FBXO33: variants seen among roughly 807,000 people sequenced by gnomAD.
FBXO33 encodes the protein F-box only protein 33.
Under a neutral mutation model 46.3 loss-of-function variants are expected in FBXO33, and 22 were observed. The ratio of observed to expected loss-of-function variants is 0.48; its 90% CI spans 0.34 to 0.68. FBXO33 has a LOEUF of 0.68. Among genes scored for constraint, FBXO33 ranks in the 30% least tolerant of loss-of-function variants. The pLI is 0.01. For missense variants in FBXO33, 692 were observed against 708.8 expected (o/e 0.98, Z 0.27); for synonymous variants, 337 against 291.3 (o/e 1.16, Z -1.60).
At chr14:39,424,575 T>C (rs1438789972) in intron 1 of FBXO33, among the ~76,000 whole-genome samples, 1 of 152,188 alleles carries the variant, frequency 6.6e-6, no homozygotes, top group Non-Finnish European at 1.5e-5. Context: ...AGTTACATTA[T>C]ACATTAGGAA....
In FBXO33 at chr14:39,431,601, G is replaced by T. The variant is rs1343235574; in HGVS notation, c.562C>A (p.Leu188Met). The T allele has an allele frequency of 6.2e-7, 1 of 1,613,248 alleles. No homozygotes were observed. The change falls in exon 1 of 4, where the codon CTG becomes ATG. Residue 188 changes from leucine to methionine, a missense_variant. Physicochemically the swap from Leu to Met is conservative, Grantham distance 15. This residue lies in a region of FBXO33 where 412 missense variants were observed against 370.8 expected (regional missense o/e 1.11). Transcript: ENST00000298097. ...ATGCTGACCAGCACGCAAAGCACCA[G>T]CTCCAAGTAGGTGCGCAGCACTTCC... is the stretch of plus-strand genomic sequence containing the variant. ...WLEVLRTYLE[L>M]VLCVLVSIRN... is the part of the protein sequence containing the mutation.
chr14:39,407,399 A>G (rs1055826712), intron 1 of FBXO33, among the ~76,000 whole-genome samples: 10 of 152,224 alleles, frequency 6.6e-5, no homozygotes, highest in African/African-American at 2.4e-4. Context: ...AGATCTCTAG[A>G]AATTTTTCAT....
intron 1 of FBXO33, among the ~76,000 whole-genome samples, chr14:39,425,947 T>C (rs550409406): frequency 5.8e-4 from 88 of 152,262 alleles, no homozygotes; most frequent in African/African-American, 1.8e-3. Context: ...CAGTACTCCG[T>C]ATTAGCTTTG....
rs920945535 is a variant in FBXO33, at chr14:39,431,604, C to G, written c.559G>C (p.Glu187Gln). Residue 187 changes from glutamate to glutamine, a missense_variant, in exon 1 of 4, where the codon GAG (glutamate) becomes CAG (glutamine). Around this residue, in one of 3 missense-constraint regions of FBXO33, gnomAD observed 412 missense variants for 370.8 expected, o/e 1.11. Coordinates refer to ENST00000298097, the MANE Select transcript of FBXO33 (RefSeq NM_203301.4). ...CTGACCAGCACGCAAAGCACCAGCT[C>G]CAAGTAGGTGCGCAGCACTTCCAGC... ...RWLEVLRTYL[E>Q]LVLCVLVSIR... The G allele has an allele frequency of 3.1e-6, 5 of 1,613,456 alleles. No individual in the cohort carries two copies. The highest frequency in any genetic ancestry group is 4.2e-6 in the Non-Finnish European group (5 of 1,180,022).
intron 1 of FBXO33, among the ~76,000 whole-genome samples, chr14:39,423,057 G>C (rs2075493100): frequency 6.6e-6 from 1 of 152,098 alleles, no homozygotes; most frequent in Non-Finnish European, 1.5e-5. Flanking sequence ...GGGAAGCGGA[G>C]GTTGCAGTGA....
intron 2 of FBXO33, 65 bp from the exon 3 acceptor site, chr14:39,401,926 T>A: frequency 7.5e-7 from 1 of 1,333,846 alleles, no homozygotes; most frequent in Non-Finnish European, 1.0e-6. Context: ...TAACACTGAC[T>A]TTTGAAAATA....
At chr14:39,424,708 T>C (rs543281048) in intron 1 of FBXO33, among the ~76,000 whole-genome samples, 3 of 152,322 alleles carry the variant, frequency 2.0e-5, no homozygotes, top group African/African-American at 7.2e-5. Flanking sequence ...AGAGTTAATA[T>C]AGCTAAGTCT....
At position 39,432,378 on chromosome 14, in the gene FBXO33, T is replaced by A. The variant is rs1420746289; in HGVS notation, c.-216A>T. 2 of 300,640 alleles carry A rather than the reference T, an allele frequency of 6.7e-6. No homozygotes were observed. The highest frequency in any genetic ancestry group is 1.2e-5 in the Non-Finnish European group (2 of 167,824). 18.6% of individuals were successfully genotyped at this position (300,640 alleles called of 1,614,324 possible). A position where few individuals can be genotyped will look rare whatever the true frequency, so the allele number is the denominator to read the frequency against. The stretch of plus-strand genomic sequence containing the variant: ...TCAGCGGCCCGGAAGCCTCAAGGCG[T>A]ACTGTAAGGAAAAGGCAGCCCTCCC... On this transcript the variant is annotated 5_prime_UTR_variant, in exon 1 of 4. Coordinates refer to ENST00000298097, the MANE Select transcript of FBXO33 (RefSeq NM_203301.4).
At chr14:39,406,821 A>C (rs770863788) in intron 1 of FBXO33, among the ~76,000 whole-genome samples, 6 of 152,220 alleles carry the variant, frequency 3.9e-5, no homozygotes, top group Non-Finnish European at 8.8e-5. Context: ...AACACGGCTC[A>C]CAACTAGGAG....
intron 1 of FBXO33, among the ~76,000 whole-genome samples, chr14:39,404,483 T>C (rs1197330704): frequency 6.6e-6 from 1 of 152,026 alleles, no homozygotes; most frequent in East Asian, 2.0e-4. Context: ...CCCGCCACCA[T>C]GCCCAGCTAA....
intron 1 of FBXO33, among the ~76,000 whole-genome samples, chr14:39,411,715 G>T (rs903686715): frequency 6.6e-6 from 1 of 151,948 alleles, no homozygotes; most frequent in Admixed American, 6.6e-5. Flanking sequence ...TAGAGACAGG[G>T]TTTCACAATG....
chr14:39,416,775 CAGTG>C (rs1234257773), intron 1 of FBXO33, among the ~76,000 whole-genome samples: 1 of 152,076 alleles, frequency 6.6e-6, no homozygotes, highest in Non-Finnish European at 1.5e-5. Flanking sequence ...TCATGTAACT[CAGTG>C]AGCTTCTTTA....
intron 1 of FBXO33, among the ~76,000 whole-genome samples, chr14:39,418,895 T>C (rs1191240058): frequency 6.6e-6 from 1 of 152,214 alleles, no homozygotes; most frequent in East Asian, 1.9e-4. Context: ...CTACCAATGT[T>C]AGAAATATGC....
intron 1 of FBXO33, among the ~76,000 whole-genome samples, chr14:39,422,036 T>C (rs1024640546): frequency 2.0e-5 from 3 of 152,086 alleles, no homozygotes; most frequent in Admixed American, 6.5e-5. Context: ...GGCAGGTGGA[T>C]TGCCTGAGCT....
chr14:39,421,032 G>A (rs148282617), intron 1 of FBXO33, among the ~76,000 whole-genome samples: 2 of 152,174 alleles, frequency 1.3e-5, no homozygotes, highest in Non-Finnish European at 2.9e-5. Flanking sequence ...ATGGCACTAT[G>A]AACAGGCATT....
chr14:39,430,002 TAC>T (rs1349700463), intron 1 of FBXO33, among the ~76,000 whole-genome samples: 2 of 152,336 alleles, frequency 1.3e-5, no homozygotes, highest in Non-Finnish European at 2.9e-5. Context: ...CAAAGGCACA[TAC>T]AGTGTTTGCA....
chr14:39,413,992 AC>A (rs1362873196), intron 1 of FBXO33, among the ~76,000 whole-genome samples: 2 of 152,148 alleles, frequency 1.3e-5, no homozygotes, highest in Non-Finnish European at 2.9e-5. Flanking sequence ...AGATGCATTA[AC>A]CTCTAACGAG....
Position 39,432,192 on chromosome 14 carries a change from T to C in FBXO33, c.-30A>G, listed in dbSNP as rs938047140. ...GACTAGGAAGAAGGGGGCGGAACCG[T>C]CGTGGGTCTCGGCGGAACCAAGTAG... On this transcript the variant is annotated 5_prime_UTR_variant, in exon 1 of 4. Coordinates refer to ENST00000298097, the MANE Select transcript of FBXO33 (RefSeq NM_203301.4). The C allele has an allele frequency of 1.7e-6, 2 of 1,211,092 alleles. No individual in the cohort carries two copies. The highest frequency in any genetic ancestry group is 4.3e-5 in the Admixed American group (1 of 23,420). 75.0% of individuals were successfully genotyped at this position (1,211,092 alleles called of 1,614,324 possible).
chr14:39,407,090 T>G (rs147202810), intron 1 of FBXO33, among the ~76,000 whole-genome samples: 1 of 152,264 alleles, frequency 6.6e-6, no homozygotes, highest in Non-Finnish European at 1.5e-5. Flanking sequence ...GGATACAAGG[T>G]CAATATATAA....
Sources: gnomAD v4.1 joint callset for allele counts (sites outside exome capture counted in the v4.1 genomes callset) on GRCh38, gnomAD v4.1.1 for gene constraint, gnomAD v4.1.1 regional missense constraint, MANE v1.5 for transcripts, NCBI Gene and HGNC (gene_info 2026-07-23, HGNC 2026-07-21) for gene names.